IKBKB: variants seen among roughly 807,000 people sequenced by gnomAD.
The protein encoded by IKBKB is inhibitor of nuclear factor kappa B kinase subunit beta, also known as inhibitor of nuclear factor kappa-B kinase subunit beta.
A neutral mutation model predicts 113.6 loss-of-function variants in IKBKB; 42 were observed. The observed-to-expected ratio is 0.37, with a 90% CI of 0.29 to 0.48. The LOEUF is 0.48. Ranked by LOEUF, IKBKB falls within the 20% of genes least tolerant of loss-of-function variation. The probability of loss-of-function intolerance (pLI) is 0.99; values close to 1 mark genes in which losing one functional copy is unlikely to be tolerated. For missense variants in IKBKB, 673 were observed against 939.7 expected (o/e 0.72, Z 3.71); for synonymous variants, 296 against 361.3 (o/e 0.82, Z 2.05).
chr8:42,277,465 G>C (rs567089069), intron 2 of IKBKB, among the ~76,000 whole-genome samples: 45 of 152,288 alleles, frequency 3.0e-4, no homozygotes, highest in Non-Finnish European at 5.1e-4. Context: ...TTACAGGCAT[G>C]AGTCACTAAC....
chr8:42,329,090 G>T lies in IKBKB; in HGVS notation c.2115-34G>T. On this transcript the variant is annotated intron_variant, in intron 20 of 21. Transcript: ENST00000520810. ...AGTGTTAGCTCTGATAACTAATAAT[G>T]ACCACTTTCTAATAATTTGATCATT... is the stretch of plus-strand genomic sequence containing the variant. The T allele has an allele frequency of 4.5e-6, 7 of 1,549,966 alleles. No homozygotes were observed. In the South Asian group the frequency reaches 6.9e-5, roughly 15 times the overall value.
At chr8:42,275,630 T>C (rs897489404) in intron 2 of IKBKB, among the ~76,000 whole-genome samples, 10 of 152,224 alleles carry the variant, frequency 6.6e-5, no homozygotes, top group Admixed American at 3.9e-4. Context: ...TTCTTTTTTA[T>C]GGCTGAATAA....
At chr8:42,293,377 G>A (rs1240474064) in intron 4 of IKBKB, 66 bp from the exon 5 acceptor site, 12 of 1,602,698 alleles carry the variant, frequency 7.5e-6, no homozygotes, top group Non-Finnish European at 1.0e-5. Flanking sequence ...GCTGGTAAGA[G>A]ACATGTGTGG....
Position 42,319,371 on chromosome 8 carries a change from G to A in IKBKB, c.1466G>A (p.Ser489Asn), listed in dbSNP as rs1184918253. Reference protein sequence around the residue: ...LKAKLDFFKTSIQIDLEKYSE... With the variant: ...LKAKLDFFKTNIQIDLEKYSE... ...GCCAAGTTGGATTTCTTCAAAACCA[G>A]CATCCAGATTGACCTGGAGAAGTAC... Residue 489 changes from serine (S) to asparagine (N), a missense_variant, in exon 14 of 22, where the codon AGC (serine) becomes AAC (asparagine). Physicochemically the swap from Ser to Asn is conservative, Grantham distance 46. Around this residue, in one of 2 missense-constraint regions of IKBKB, gnomAD observed 506 missense variants for 638.7 expected, o/e 0.79. Transcript: ENST00000520810. 6.2e-7 allele frequency: 1 copy of A among 1,614,150 alleles called. No homozygotes were observed. The highest frequency in any genetic ancestry group is 2.2e-5 in the East Asian group (1 of 44,892).
chr8:42,283,426 T>C (rs1198563547), intron 2 of IKBKB, among the ~76,000 whole-genome samples: 1 of 152,210 alleles, frequency 6.6e-6, no homozygotes, highest in African/African-American at 2.4e-5. Flanking sequence ...CCTTAGAGAT[T>C]GGCCTGGCTT....
chr8:42,311,697 G>A (rs1207520395), intron 8 of IKBKB, among the ~76,000 whole-genome samples: 1 of 152,150 alleles, frequency 6.6e-6, no homozygotes, highest in African/African-American at 2.4e-5. Flanking sequence ...GGAGGTGTCT[G>A]CCCTGAGTTT....
intron 20 of IKBKB, among the ~76,000 whole-genome samples, chr8:42,328,271 A>G (rs1317872939): frequency 1.4e-5 from 2 of 146,206 alleles, no homozygotes; most frequent in Admixed American, 6.8e-5. Context: ...TTTTTTTTAA[A>G]TAAAAATTAT....
chr8:42,297,763 C>T (rs1454063969), intron 5 of IKBKB, among the ~76,000 whole-genome samples: 5 of 152,056 alleles, frequency 3.3e-5, no homozygotes, highest in African/African-American at 1.2e-4. Context: ...GGCGTGGTGG[C>T]GTGTGCCTGT....
At chr8:42,311,064 G>A (rs1275665600) in intron 8 of IKBKB, among the ~76,000 whole-genome samples, 2 of 152,172 alleles carry the variant, frequency 1.3e-5, no homozygotes, top group East Asian at 1.9e-4. Context: ...GAGTTTGCAC[G>A]TTGTAAAGGT....
At chr8:42,279,039 A>C (rs915100596) in intron 2 of IKBKB, among the ~76,000 whole-genome samples, 1 of 151,870 alleles carries the variant, frequency 6.6e-6, no homozygotes, top group African/African-American at 2.4e-5. Context: ...TGGAATTAAC[A>C]GCGCTTAGTG....
chr8:42,280,911 G>A (rs1413363414), intron 2 of IKBKB, among the ~76,000 whole-genome samples: 3 of 152,112 alleles, frequency 2.0e-5, no homozygotes, highest in East Asian at 1.9e-4. Context: ...CCTCTGCTCC[G>A]TTCAGTCACT....
rs1267018487 is a variant in IKBKB at position 42,332,220 on chromosome 8, CAAGT to C, written c.*1246_*1249del. ...GAGATAGAATGAAGCATTCTGTGGT[CAAGT>C]AAGTTTAGGGAGCTATTCATGTTTC... On this transcript the variant is annotated 3_prime_UTR_variant, in exon 22 of 22. Transcript: ENST00000520810. 1 of 152,196 alleles carries C rather than the reference CAAGT, an allele frequency of 6.6e-6. No individual in the cohort carries two copies. 9.4% of individuals were successfully genotyped at this position (152,196 alleles called of 1,614,324 possible).
At chr8:42,290,499 C>T (rs999691958) in intron 4 of IKBKB, among the ~76,000 whole-genome samples, 2 of 152,054 alleles carry the variant, frequency 1.3e-5, no homozygotes, top group Non-Finnish European at 2.9e-5. Flanking sequence ...GGGGTAAGGG[C>T]GTGCTGCACA....
At chr8:42,287,261 A>C (rs1424890893) in intron 2 of IKBKB, among the ~76,000 whole-genome samples, 3 of 152,256 alleles carry the variant, frequency 2.0e-5, no homozygotes, top group Non-Finnish European at 4.4e-5. Context: ...ATGATTCACC[A>C]GGTGGAGGAG....
rs112934628 is a variant in IKBKB, at chr8:42,322,821, G to A, written c.1986+327G>A. Among the ~76,000 whole-genome samples, 73 of 152,330 alleles carry A rather than the reference G, an allele frequency of 4.8e-4. 2 individuals carry two copies. The highest frequency in any genetic ancestry group is 1.6e-3 in the African/African-American group (66 of 41,578). The stretch of plus-strand genomic sequence containing the variant: ...ACGCCAGCAATTTGGGGAGGCTGAG[G>A]TGGGAGGATTGCTTGAGCCCAGGAG... On this transcript the variant is annotated intron_variant, in intron 19 of 21. Coordinates refer to ENST00000520810, the MANE Select transcript of IKBKB (RefSeq NM_001556.3).
intron 5 of IKBKB, among the ~76,000 whole-genome samples, chr8:42,295,765 C>T (rs1290009630): frequency 6.6e-6 from 1 of 151,964 alleles, no homozygotes; most frequent in Non-Finnish European, 1.5e-5. Flanking sequence ...ACATAACTCT[C>T]AGCTTCCTCA....
intron 5 of IKBKB, among the ~76,000 whole-genome samples, chr8:42,296,398 G>A (rs907526665): frequency 2.0e-5 from 3 of 152,322 alleles, no homozygotes; most frequent in South Asian, 2.1e-4. Context: ...TTGGGAGGCC[G>A]AGGTGGGCAG....
At chr8:42,320,522 G>T in intron 15 of IKBKB, 2 of 499,732 alleles carry the variant, frequency 4.0e-6, no homozygotes. Flanking sequence ...GTAGCTGGGG[G>T]TAAGTAACTT....
In IKBKB at chr8:42,318,831, C is replaced by T. The variant is rs1423367228; in HGVS notation, c.1364+156C>T. ...GATGGACGGGAAGCGGTTGGGTGGG[C>T]TGGACTGACGGAGGCCCCTTTAGAC... On this transcript the variant is annotated intron_variant, in intron 13 of 21. Coordinates refer to ENST00000520810, the MANE Select transcript of IKBKB (RefSeq NM_001556.3). The T allele has an allele frequency of 4.2e-6, 3 of 719,134 alleles. No homozygotes were observed. In the African/African-American group the frequency reaches 5.4e-5, roughly 13 times the overall value. The allele number at this position is 719,134 out of a possible 1,614,324, so 44.5% of individuals were successfully genotyped here. A position where few individuals can be genotyped will look rare whatever the true frequency, so the allele number is the denominator to read the frequency against.
Sources: allele counts gnomAD v4.1 joint callset (sites outside exome capture counted in the v4.1 genomes callset), GRCh38; gene constraint gnomAD v4.1.1; regional missense constraint gnomAD v4.1.1; transcripts MANE v1.5; gene names NCBI Gene and HGNC (gene_info 2026-07-23, HGNC 2026-07-21).